GABBR2: variants seen among roughly 807,000 people sequenced by gnomAD.
The protein encoded by GABBR2 is gamma-aminobutyric acid type B receptor subunit 2.
A neutral mutation model predicts 105.6 loss-of-function variants in GABBR2; 23 were observed. The ratio of observed to expected loss-of-function variants is 0.22; its 90% CI spans 0.16 to 0.31. GABBR2 has a LOEUF of 0.31. GABBR2 is among the 10% of genes least tolerant of loss of function. The pLI, the probability that GABBR2 is intolerant of heterozygous loss-of-function variation, is 1.00. For missense variants in GABBR2, 734 were observed against 1,245.5 expected (o/e 0.59, Z 6.18); for synonymous variants, 478 against 499.7 (o/e 0.96, Z 0.58).
rs552850133 is a variant in GABBR2, at chr9:98,585,962, G to A, written c.322-7890C>T. ...TAGACCCAAGTATTTTGGATAAGGGGTACTCAACCTGTACTGTTATTTCCC... is the reference window on the plus strand; with the variant it reads ...TAGACCCAAGTATTTTGGATAAGGGATACTCAACCTGTACTGTTATTTCCC... On this transcript the variant is annotated intron_variant, in intron 1 of 18. Coordinates refer to ENST00000259455, the MANE Select transcript of GABBR2 (RefSeq NM_005458.8). Among the ~76,000 whole-genome samples the A allele has an allele frequency of 7.4e-5, 2 of 26,878 alleles. 1 individual carries two copies. The highest frequency in any genetic ancestry group is 2.1e-4 in the Non-Finnish European group (2 of 9,528). 17.6% of individuals were successfully genotyped at this position (26,878 alleles called of 152,430 possible). A position where few individuals can be genotyped will look rare whatever the true frequency, so the allele number is the denominator to read the frequency against.
chr9:98,353,148 A>T (rs984211667), intron 13 of GABBR2, among the ~76,000 whole-genome samples: 2 of 152,064 alleles, frequency 1.3e-5, no homozygotes, highest in African/African-American at 4.8e-5. Flanking sequence ...CTGTGATGGG[A>T]ATGCGGACCA....
intron 8 of GABBR2, 47 bp from the exon 9 acceptor site, chr9:98,394,302 TGTGTCTGG>T (rs774377440): frequency 2.3e-6 from 3 of 1,332,506 alleles, no homozygotes; most frequent in Non-Finnish European, 3.2e-6. Flanking sequence ...GATCTGGGTT[TGTGTCTGG>T]GTGCTCCTAT....
intron 4 of GABBR2, among the ~76,000 whole-genome samples, chr9:98,487,271 T>G (rs1827075676): frequency 6.6e-6 from 1 of 152,176 alleles, no homozygotes; most frequent in African/African-American, 2.4e-5. Context: ...TTTCAGGCAG[T>G]CAGGATGGAC....
intron 13 of GABBR2, among the ~76,000 whole-genome samples, chr9:98,337,859 T>TA (rs1173422260): frequency 3.3e-5 from 5 of 151,950 alleles, no homozygotes; most frequent in Admixed American, 1.3e-4. Flanking sequence ...TAGTCTCTAC[T>TA]AAAAAAACAA....
chr9:98,618,597 A>G (rs1210546776), intron 1 of GABBR2, among the ~76,000 whole-genome samples: 2 of 140,668 alleles, frequency 1.4e-5, no homozygotes, highest in African/African-American at 5.4e-5. Context: ...TATCTCTGTC[A>G]CTGGGTATGC....
intron 13 of GABBR2, among the ~76,000 whole-genome samples, chr9:98,321,872 C>T (rs1830827967): frequency 6.6e-6 from 1 of 152,142 alleles, no homozygotes; most frequent in African/African-American, 2.4e-5. Flanking sequence ...TTCTCTCTTG[C>T]ATGCTTTTGC....
intron 18 of GABBR2, among the ~76,000 whole-genome samples, chr9:98,291,472 C>T (rs1430977218): frequency 6.6e-6 from 1 of 152,202 alleles, no homozygotes; most frequent in African/African-American, 2.4e-5. Context: ...CATCCTTCCT[C>T]TCTCCCGTCT....
chr9:98,299,312 G>A lies in GABBR2; in HGVS notation c.2454C>T (p.Asp818=). The A allele has an allele frequency of 1.9e-6, 3 of 1,613,684 alleles. No individual in the cohort carries two copies. Among genetic ancestry groups the A allele is most frequent in the Non-Finnish European group, 2.5e-6 (3 of 1,179,604 alleles). The stretch of plus-strand genomic sequence containing the variant: ...TAATGTAGGTGGTCTTTTCTGGTGT[G>A]TCCTGCAGCTGCATGGTGACCTCTT... ...DLEEVTMQLQ[D]TPEKTTYIKQ... is the part of the protein sequence containing the mutation. Residue 818 remains aspartate, a synonymous_variant, in exon 17 of 19, where the codon GAC becomes GAT. Coordinates refer to ENST00000259455, the MANE Select transcript of GABBR2 (RefSeq NM_005458.8).
intron 13 of GABBR2, among the ~76,000 whole-genome samples, chr9:98,315,509 C>T (rs1228662544): frequency 6.6e-6 from 1 of 152,236 alleles, no homozygotes; most frequent in Non-Finnish European, 1.5e-5. Flanking sequence ...GACTCCTGCA[C>T]TGAACCACAA....
intron 7 of GABBR2, among the ~76,000 whole-genome samples, chr9:98,453,174 G>A (rs542385092): frequency 6.6e-6 from 1 of 152,266 alleles, no homozygotes; most frequent in South Asian, 2.1e-4. Flanking sequence ...TTACGGGCAT[G>A]TGCCACCACG....
intron 13 of GABBR2, among the ~76,000 whole-genome samples, chr9:98,344,151 T>C (rs1448325098): frequency 2.6e-5 from 4 of 152,082 alleles, no homozygotes; most frequent in South Asian, 4.2e-4. Flanking sequence ...CCCCTTCTCT[T>C]CTCCATCGCT....
At chr9:98,412,060 A>G (rs775608661) in intron 7 of GABBR2, among the ~76,000 whole-genome samples, 1 of 152,256 alleles carries the variant, frequency 6.6e-6, no homozygotes, top group Non-Finnish European at 1.5e-5. Context: ...CAACAAGTTT[A>G]TGAGTCTTAT....
chr9:98,387,259 C>T (rs552381502), intron 10 of GABBR2, among the ~76,000 whole-genome samples: 68 of 152,314 alleles, frequency 4.5e-4, no homozygotes, highest in African/African-American at 1.6e-3. Context: ...CAAAAAACTT[C>T]ACCTGGATGC....
chr9:98,599,297 T>C (rs1564126634), intron 1 of GABBR2, among the ~76,000 whole-genome samples: 1 of 152,128 alleles, frequency 6.6e-6, no homozygotes, highest in East Asian at 1.9e-4. Flanking sequence ...TGTGGGCTTC[T>C]AGCACATTTT....
intron 4 of GABBR2, among the ~76,000 whole-genome samples, chr9:98,481,347 C>T (rs1458785807): frequency 6.6e-6 from 1 of 152,228 alleles, no homozygotes; most frequent in Non-Finnish European, 1.5e-5. Context: ...TCCATGGAAG[C>T]ATCATCTAAC....
intron 7 of GABBR2, among the ~76,000 whole-genome samples, chr9:98,424,557 C>G (rs376969279): frequency 8.6e-5 from 13 of 151,812 alleles, no homozygotes; most frequent in Non-Finnish European, 4.4e-5. Context: ...TGTTTGCAGA[C>G]GACATGATTG....
chr9:98,397,521 G>A (rs1832315577), intron 8 of GABBR2, among the ~76,000 whole-genome samples: 1 of 152,132 alleles, frequency 6.6e-6, no homozygotes, highest in East Asian at 1.9e-4. Context: ...TTCCTAGCTT[G>A]GAACCTAACT....
At chr9:98,535,583 A>G (rs2131732635) in intron 3 of GABBR2, among the ~76,000 whole-genome samples, 1 of 152,292 alleles carries the variant, frequency 6.6e-6, no homozygotes, top group Non-Finnish European at 1.5e-5. Context: ...GGCTATATGC[A>G]AACACTACAC....
At chr9:98,498,287 A>C (rs893053350) in intron 3 of GABBR2, among the ~76,000 whole-genome samples, 18 of 152,230 alleles carry the variant, frequency 1.2e-4, no homozygotes, top group African/African-American at 4.1e-4. Flanking sequence ...TGGAATGAAA[A>C]AAAAAGTTCT....
Sources: gnomAD v4.1 joint callset for allele counts (sites outside exome capture counted in the v4.1 genomes callset) on GRCh38, gnomAD v4.1.1 for gene constraint, MANE v1.5 for transcripts, NCBI Gene and HGNC (gene_info 2026-07-23, HGNC 2026-07-21) for gene names.